The following MAP4 variants were observed in gnomAD, a reference collection of about 807,000 sequenced individuals.
MAP4 encodes the protein microtubule-associated protein 4.
Under a neutral mutation model 170.2 loss-of-function variants are expected in MAP4, and 76 were observed. That is an observed-to-expected ratio of 0.45 (90% CI 0.37 to 0.54). The LOEUF (loss-of-function observed/expected upper bound fraction) is 0.54. Ranked by LOEUF, MAP4 falls within the 20% of genes least tolerant of loss-of-function variation. The pLI is 0.00. For synonymous variants in MAP4, 909 were observed against 994.5 expected (o/e 0.91, Z 1.62); for missense variants, 2,506 against 2,748.0 (o/e 0.91, Z 1.97).
At chr3:47,873,847 A>C (rs1223738604) in intron 12 of MAP4, among the ~76,000 whole-genome samples, 1 of 152,250 alleles carries the variant, frequency 6.6e-6, no homozygotes, top group Admixed American at 6.5e-5. Flanking sequence ...GTTATGTGGG[A>C]TAGAAATCTC....
At chr3:47,918,464 C>T (rs1167321365) in intron 6 of MAP4, among the ~76,000 whole-genome samples, 1 of 151,562 alleles carries the variant, frequency 6.6e-6, no homozygotes, top group African/African-American at 2.4e-5. Context: ...ATACCTAATA[C>T]AATGAAAATG....
At chr3:47,958,395 G>C (rs1221220540) in intron 3 of MAP4, among the ~76,000 whole-genome samples, 1 of 152,154 alleles carries the variant, frequency 6.6e-6, no homozygotes, top group African/African-American at 2.4e-5. Flanking sequence ...ATCAACTGTG[G>C]CCTCATTACT....
chr3:47,871,004 T>C lies in MAP4; in HGVS notation c.6103A>G (p.Lys2035Glu). 1.2e-6 allele frequency: 2 copies of C among 1,614,146 alleles called. No individual in the cohort carries two copies. Among genetic ancestry groups the C allele is most frequent in the Non-Finnish European group, 1.7e-6 (2 of 1,180,006 alleles). ...PAAGVVPSRV[K>E]ATPMPSRPST... is the part of the protein sequence containing the mutation. Reference sequence around the variant, plus strand: ...GGCCGGGAGGGCATGGGTGTGGCCTTGACTCGGCTGGGAACCACCCCTGCA... The same window carrying C: ...GGCCGGGAGGGCATGGGTGTGGCCTCGACTCGGCTGGGAACCACCCCTGCA... The change falls in exon 15 of 21, where the codon AAG becomes GAG. Residue 2035 changes from lysine (K) to glutamate (E), a missense_variant. By Grantham distance (56) the Lys-to-Glu change is moderately conservative. Transcript: ENST00000683076.
At chr3:47,858,021 CTTTTTTT>C (rs397817713) in intron 17 of MAP4, among the ~76,000 whole-genome samples, 2 of 118,380 alleles carry the variant, frequency 1.7e-5, no homozygotes, top group South Asian at 5.9e-4. Context: ...CTGGCCTTCA[CTTTTTTT>C]TTTTTTTTTT....
At chr3:48,042,330 C>A (rs2100122035) in intron 1 of MAP4, among the ~76,000 whole-genome samples, 1 of 152,182 alleles carries the variant, frequency 6.6e-6, no homozygotes, top group African/African-American at 2.4e-5. Flanking sequence ...GAAATCCCCA[C>A]ACATCTGCTT....
At chr3:48,085,444 T>C (rs1253933449) in intron 1 of MAP4, among the ~76,000 whole-genome samples, 1 of 152,182 alleles carries the variant, frequency 6.6e-6, no homozygotes, top group Admixed American at 6.6e-5. Context: ...TTTTAATAGG[T>C]AATATAAATG....
At chr3:47,960,159 G>A (rs995342483) in intron 3 of MAP4, among the ~76,000 whole-genome samples, 3 of 152,122 alleles carry the variant, frequency 2.0e-5, no homozygotes, top group Admixed American at 6.6e-5. Context: ...CACCATGCCC[G>A]GGCAGAGTTA....
intron 2 of MAP4, among the ~76,000 whole-genome samples, chr3:47,991,604 T>C (rs1235775812): frequency 6.6e-6 from 1 of 152,082 alleles, no homozygotes; most frequent in Non-Finnish European, 1.5e-5. Flanking sequence ...ACGTTAGATG[T>C]TGCAGTAAGC....
At chr3:48,028,550 G>A (rs1192356160) in intron 1 of MAP4, among the ~76,000 whole-genome samples, 1 of 151,722 alleles carries the variant, frequency 6.6e-6, no homozygotes, top group African/African-American at 2.4e-5. Flanking sequence ...TGAGGCAGGT[G>A]GATCACAAGG....
At chr3:48,080,998 C>A (rs1311411632) in intron 1 of MAP4, among the ~76,000 whole-genome samples, 1 of 152,228 alleles carries the variant, frequency 6.6e-6, no homozygotes, top group African/African-American at 2.4e-5. Flanking sequence ...GTGGCGGGCT[C>A]CTGTATTCCC....
intron 16 of MAP4, among the ~76,000 whole-genome samples, chr3:47,868,045 T>G (rs182005558): frequency 6.6e-6 from 1 of 152,336 alleles, no homozygotes; most frequent in African/African-American, 2.4e-5. Flanking sequence ...ATCCTCCATA[T>G]GCCTAATCCT....
chr3:48,056,840 T>TGG (rs1241693290), intron 1 of MAP4, among the ~76,000 whole-genome samples: 3 of 42,036 alleles, frequency 7.1e-5, no homozygotes, highest in East Asian at 7.9e-4. Flanking sequence ...GGGAGGGAGG[T>TGG]GGGGGGGGGG....
intron 2 of MAP4, chr3:47,987,424 A>G (rs1475903557): frequency 6.5e-7 from 1 of 1,531,132 alleles, no homozygotes; most frequent in East Asian, 2.4e-5. Flanking sequence ...GTGTGGGGGT[A>G]GTGGGAGGTC....
chr3:48,071,632 A>C (rs557704470), intron 1 of MAP4, among the ~76,000 whole-genome samples: 1 of 152,312 alleles, frequency 6.6e-6, no homozygotes, highest in African/African-American at 2.4e-5. Flanking sequence ...TTCTAAATTC[A>C]TGAAAAAAGT....
chr3:47,944,130 T>C (rs1243178335), intron 3 of MAP4, among the ~76,000 whole-genome samples: 1 of 151,958 alleles, frequency 6.6e-6, no homozygotes, highest in Non-Finnish European at 1.5e-5. Flanking sequence ...ATCAACATGG[T>C]GAAACCCTGT....
At chr3:48,008,328 CG>C (rs1210021815) in intron 1 of MAP4, among the ~76,000 whole-genome samples, 2 of 152,214 alleles carry the variant, frequency 1.3e-5, no homozygotes, top group Non-Finnish European at 2.9e-5. Flanking sequence ...GCTTCACAGA[CG>C]GTTCTGCATC....
Position 48,029,988 on chromosome 3 carries a change from CAA to C in MAP4, c.-19-31111_-19-31110del, listed in dbSNP as rs67775405. Among the ~76,000 whole-genome samples the C allele has an allele frequency of 1.8e-3, 239 of 130,588 alleles. 1 individual carries two copies. The highest frequency in any genetic ancestry group is 5.6e-3 in the African/African-American group (198 of 35,448). 85.7% of individuals were successfully genotyped at this position (130,588 alleles called of 152,430 possible). On this transcript the variant is annotated intron_variant, in intron 1 of 18. Transcript: ENST00000360240. The stretch of plus-strand genomic sequence containing the variant: ...AGAGCAACTGAGCAAGATTCCATCT[CAA>C]AAAAAAAAATATATATATATAATAT...
At chr3:48,025,660 C>T (rs542673380) in intron 1 of MAP4, among the ~76,000 whole-genome samples, 10 of 151,682 alleles carry the variant, frequency 6.6e-5, no homozygotes, top group Non-Finnish European at 1.2e-4. Context: ...GCACTTTGGG[C>T]GGTCAAGGCG....
At chr3:47,867,536 C>T (rs1336456493) in intron 16 of MAP4, among the ~76,000 whole-genome samples, 198 bp from the exon 17 acceptor site, 1 of 152,198 alleles carries the variant, frequency 6.6e-6, no homozygotes, top group Non-Finnish European at 1.5e-5. Context: ...GAGTGAAAAA[C>T]GTGAACAGAC....
Sources: gnomAD v4.1 joint callset for allele counts (sites outside exome capture counted in the v4.1 genomes callset) on GRCh38, gnomAD v4.1.1 for gene constraint, MANE v1.5 for transcripts, NCBI Gene and HGNC (gene_info 2026-07-23, HGNC 2026-07-21) for gene names.